The following ATP9B variants were observed in gnomAD, a reference collection of about 807,000 sequenced individuals.
The protein encoded by ATP9B is ATPase phospholipid transporting 9B.
In ATP9B, 110 loss-of-function variants were observed where a neutral mutation model predicts 146.1. That is an observed-to-expected ratio of 0.75 (90% CI 0.65 to 0.88). The LOEUF is 0.88. ATP9B is among the 40% of genes least tolerant of loss of function. The probability of loss-of-function intolerance (pLI) is 0.00; values close to 1 mark genes in which losing one functional copy is unlikely to be tolerated. For missense variants in ATP9B, 1,499 were observed against 1,496.4 expected (o/e 1.00, Z -0.03); for synonymous variants, 604 against 569.7 (o/e 1.06, Z -0.86).
At chr18:79,305,531 A>G (rs2096615934) in intron 14 of ATP9B, among the ~76,000 whole-genome samples, 5 of 152,216 alleles carry the variant, frequency 3.3e-5, no homozygotes, top group South Asian at 4.1e-4. Context: ...TCTTAAAAGG[A>G]GAAGGAATAC....
intron 5 of ATP9B, among the ~76,000 whole-genome samples, chr18:79,139,324 T>G (rs2094485840): frequency 6.6e-6 from 1 of 152,206 alleles, no homozygotes; most frequent in Non-Finnish European, 1.5e-5. Flanking sequence ...TCAAGTCTGT[T>G]CAGTACATAA....
chr18:79,103,391 C>G (rs924117668), intron 2 of ATP9B, among the ~76,000 whole-genome samples: 1 of 151,290 alleles, frequency 6.6e-6, no homozygotes, highest in Admixed American at 6.6e-5. Flanking sequence ...ATGTAAGTTG[C>G]AGAGTCCTTA....
chr18:79,152,618 G>A (rs2094708019), intron 6 of ATP9B, among the ~76,000 whole-genome samples: 1 of 152,148 alleles, frequency 6.6e-6, no homozygotes, highest in Non-Finnish European at 1.5e-5. Context: ...TTTGATGAAT[G>A]ACGACAATTC....
At chr18:79,365,691 G>A (rs923093804) in intron 26 of ATP9B, among the ~76,000 whole-genome samples, 10 of 151,632 alleles carry the variant, frequency 6.6e-5, no homozygotes, top group African/African-American at 2.2e-4. Flanking sequence ...GACGGGGACA[G>A]CTCCCGCGTG....
intron 8 of ATP9B, among the ~76,000 whole-genome samples, chr18:79,188,614 T>C (rs2095331567): frequency 6.6e-6 from 1 of 152,254 alleles, no homozygotes; most frequent in Non-Finnish European, 1.5e-5. Context: ...ACATTACCTC[T>C]ATTCTCCCAT....
chr18:79,082,044 A>G (rs897329130), intron 1 of ATP9B, among the ~76,000 whole-genome samples: 1 of 152,088 alleles, frequency 6.6e-6, no homozygotes, highest in Non-Finnish European at 1.5e-5. Flanking sequence ...TCATTCACAC[A>G]ATGAAACATA....
In ATP9B at chr18:79,373,885, T is replaced by C. The variant is rs1294246639; in HGVS notation, c.3071-13T>C. The C allele has an allele frequency of 6.2e-7, 1 of 1,612,408 alleles. No individual in the cohort carries two copies. The highest frequency in any genetic ancestry group is 8.5e-7 in the Non-Finnish European group (1 of 1,179,966). ...TGCTCGTGTGCATGGAAAAAGCTCC[T>C]GCTGTTTTTCAGGCGGCATCCTCAT... On this transcript the variant is annotated splice_polypyrimidine_tract_variant and intron_variant, in intron 27 of 29. Transcript: ENST00000426216.
intron 4 of ATP9B, among the ~76,000 whole-genome samples, chr18:79,121,193 C>T (rs1340008051): frequency 2.0e-5 from 3 of 152,172 alleles, no homozygotes; most frequent in African/African-American, 7.2e-5. Flanking sequence ...TCTCCTTTTA[C>T]AAAAATGTAT....
At chr18:79,364,977 C>T (rs748232253) in intron 26 of ATP9B, among the ~76,000 whole-genome samples, 19 of 151,800 alleles carry the variant, frequency 1.3e-4, no homozygotes, top group Non-Finnish European at 1.9e-4. Context: ...CTGCAGTGAG[C>T]TGTGATTGAG....
intron 1 of ATP9B, among the ~76,000 whole-genome samples, chr18:79,090,585 T>C (rs571159957): frequency 1.3e-5 from 2 of 152,194 alleles, no homozygotes; most frequent in Admixed American, 6.5e-5. Context: ...TTGAGAAATG[T>C]CTATTCGGAT....
intron 5 of ATP9B, among the ~76,000 whole-genome samples, chr18:79,127,076 A>T (rs1013593607): frequency 5.3e-5 from 8 of 152,366 alleles, no homozygotes; most frequent in Non-Finnish European, 1.0e-4. Flanking sequence ...AAGTCTGTTT[A>T]AAAAGTTTGC....
chr18:79,241,454 C>A (rs994002137), intron 11 of ATP9B, among the ~76,000 whole-genome samples: 2 of 152,148 alleles, frequency 1.3e-5, no homozygotes, highest in Non-Finnish European at 2.9e-5. Context: ...TGAGAGATGT[C>A]GTTCTTTCTC....
At position 79,222,186 on chromosome 18, in the gene ATP9B, C is replaced by T. The variant is rs140771907; in HGVS notation, c.1107+8148C>T. On this transcript the variant is annotated intron_variant, in intron 11 of 29. Transcript: ENST00000426216. ...CAGCCTGCCCAATATGGTGAAACCCCGTCTCTACTAAAAATGCAAAGAATT... is the reference window on the plus strand; with the variant it reads ...CAGCCTGCCCAATATGGTGAAACCCTGTCTCTACTAAAAATGCAAAGAATT... 4.1e-4 allele frequency among the ~76,000 whole-genome samples: 63 copies of T among 151,992 alleles called. 1 individual carries two copies. The East Asian group carries it at 0.011, about 27-fold the overall frequency.
chr18:79,251,400 G>T (rs2145028799), intron 11 of ATP9B, among the ~76,000 whole-genome samples: 1 of 152,336 alleles, frequency 6.6e-6, no homozygotes, highest in Admixed American at 6.5e-5. Context: ...AGCCTGGTTA[G>T]AAAAGAAAAC....
intron 8 of ATP9B, among the ~76,000 whole-genome samples, chr18:79,190,031 C>T (rs762219603): frequency 3.9e-5 from 6 of 152,238 alleles, no homozygotes; most frequent in East Asian, 3.9e-4. Flanking sequence ...GACCCTTGCA[C>T]GCACTCCCCG....
intron 7 of ATP9B, among the ~76,000 whole-genome samples, chr18:79,166,627 T>G (rs1327214239): frequency 6.6e-6 from 1 of 152,152 alleles, no homozygotes. Flanking sequence ...AATCCCTGAA[T>G]TGTGAGAGGT....
chr18:79,234,711 G>T (rs1013067667), intron 11 of ATP9B, among the ~76,000 whole-genome samples: 1 of 151,992 alleles, frequency 6.6e-6, no homozygotes, highest in Non-Finnish European at 1.5e-5. Context: ...AAGCATGCTT[G>T]CTGTGGGCTT....
chr18:79,112,889 ATC>A (rs1568200936), intron 3 of ATP9B, among the ~76,000 whole-genome samples: 1 of 152,158 alleles, frequency 6.6e-6, no homozygotes, highest in Non-Finnish European at 1.5e-5. Flanking sequence ...AGGTTTTGCT[ATC>A]TAACTTTTTT....
chr18:79,173,768 A>AT (rs1466494523), intron 7 of ATP9B: 1 of 455,386 alleles, frequency 2.2e-6, no homozygotes, highest in Admixed American at 2.4e-5. Context: ...GATTTCTCCC[A>AT]TTTTTTCTTC....
Sources: allele counts gnomAD v4.1 joint callset (sites outside exome capture counted in the v4.1 genomes callset), GRCh38; gene constraint gnomAD v4.1.1; transcripts MANE v1.5; gene names NCBI Gene and HGNC (gene_info 2026-07-23, HGNC 2026-07-21).